Variants in DMD observed in about 807,000 individuals in gnomAD.
DMD encodes the protein dystrophin.
In DMD, 63 loss-of-function variants were observed where a neutral mutation model predicts 330.1. The observed-to-expected ratio is 0.19, with a 90% CI of 0.16 to 0.24. The LOEUF is 0.24. DMD is among the 10% of genes least tolerant of loss of function. DMD has a pLI of 1.00. For synonymous variants in DMD, 1,223 were observed against 959.8 expected (o/e 1.27, Z -5.07); for missense variants, 3,344 against 2,684.1 (o/e 1.25, Z -5.43).
chrX:32,012,463 C>T (rs1278983567), intron 44 of DMD, among the ~76,000 whole-genome samples: 1 of 111,717 alleles, frequency 9.0e-6, no homozygotes, highest in Non-Finnish European at 1.9e-5. Flanking sequence ...CTGCATTTAC[C>T]CGGCTGCTAC....
At chrX:32,589,857 G>A (rs2054701482) in intron 13 of DMD, among the ~76,000 whole-genome samples, 1 of 111,462 alleles carries the variant, frequency 9.0e-6, no homozygotes, top group Non-Finnish European at 1.9e-5. Flanking sequence ...CAGAGCCCCA[G>A]CTAAATCCTC....
intron 71 of DMD, among the ~76,000 whole-genome samples, chrX:31,175,516 A>C (rs2040421548): frequency 9.0e-6 from 1 of 111,134 alleles, no homozygotes; most frequent in African/African-American, 3.3e-5. Context: ...TAAAAGAGAC[A>C]TTTATTAAAC....
chrX:32,929,454 C>T (rs2089392563), intron 2 of DMD, among the ~76,000 whole-genome samples: 1 of 110,541 alleles, frequency 9.0e-6, no homozygotes, highest in Non-Finnish European at 1.9e-5. Flanking sequence ...CACTGTTCCT[C>T]TGGTTTCTCC....
intron 5 of DMD, among the ~76,000 whole-genome samples, chrX:32,820,879 G>T (rs2078182748): frequency 9.0e-6 from 1 of 111,686 alleles, no homozygotes; most frequent in Non-Finnish European, 1.9e-5. Context: ...TTTTTGTAAC[G>T]CTTTGGTTTT....
chrX:32,693,971 A>C (rs555874693), intron 9 of DMD, among the ~76,000 whole-genome samples: 5 of 111,998 alleles, frequency 4.5e-5, no homozygotes, highest in African/African-American at 1.6e-4. Flanking sequence ...AGTAACTGCT[A>C]TATATTAGGA....
rs2032028704 is a variant in DMD at position 31,119,757 on chromosome X, T to TAAAGAAAGA, written c.*2161_*2162insTCTTTCTTT. On this transcript the variant is annotated 3_prime_UTR_variant, in exon 79 of 79. Transcript: ENST00000357033. ...AATCTGAGTTTTAAAAATCCTTGGG[T>TAAAGAAAGA]AAAGAAAAGGTCCAGCGTCACATAA... 9.0e-6 allele frequency: 1 copy of TAAAGAAAGA among 110,815 alleles called. No homozygotes were observed. The highest frequency in any genetic ancestry group is 4.2e-4 in the South Asian group (1 of 2,402). The allele number at this position is 110,815 out of a possible 1,213,427, so 9.1% of individuals were successfully genotyped here.
chrX:32,715,214 C>CAT (rs2065576051), intron 7 of DMD, among the ~76,000 whole-genome samples: 1 of 110,805 alleles, frequency 9.0e-6, no homozygotes, highest in Non-Finnish European at 1.9e-5. Context: ...CGTGGTGGCT[C>CAT]ATGCCTGTAA....
intron 1 of DMD, among the ~76,000 whole-genome samples, chrX:33,218,876 C>T (rs2052108655): frequency 1.8e-5 from 2 of 111,720 alleles, no homozygotes; most frequent in Non-Finnish European, 3.8e-5. Flanking sequence ...CTCCTCACCT[C>T]CATTCTACTG....
At chrX:31,631,479 T>A (rs1260386987) in intron 54 of DMD, among the ~76,000 whole-genome samples, 1 of 110,582 alleles carries the variant, frequency 9.0e-6, no homozygotes, top group African/African-American at 3.3e-5. Context: ...TTGCTGCAAC[T>A]CAGGACAATT....
chrX:31,209,512 C>A lies in DMD; in HGVS notation c.9549G>T (p.Leu3183=). 2 of 1,211,190 alleles carry A rather than the reference C, an allele frequency of 1.7e-6. No homozygotes were observed. Among genetic ancestry groups the A allele is most frequent in the South Asian group, 3.5e-5 (2 of 56,960 alleles). Residue 3183 remains leucine (L), a synonymous_variant, in exon 65 of 79, where the codon CTG becomes CTT. Transcript: ENST00000357033. The part of the protein sequence containing the change: ...LCVDMCLNWL[L]NVYDTGRTGR... ...GCCATACGTACGTATCATAAACATT[C>A]AGCAGCCAGTTCAGACACATATCCA...
chrX:32,268,404 A>G (rs1024470782), intron 43 of DMD, among the ~76,000 whole-genome samples: 4 of 111,745 alleles, frequency 3.6e-5, no homozygotes, highest in African/African-American at 9.8e-5. Flanking sequence ...TTGAAATATA[A>G]ACACCTCAGC....
intron 44 of DMD, among the ~76,000 whole-genome samples, chrX:32,182,477 T>G (rs768704100): frequency 7.2e-5 from 8 of 111,549 alleles, no homozygotes; most frequent in Non-Finnish European, 1.3e-4. Context: ...AAAGGAAATG[T>G]TGATGTGAGA....
chrX:31,180,843 G>A (rs1046939230), intron 68 of DMD, among the ~76,000 whole-genome samples: 3 of 111,965 alleles, frequency 2.7e-5, no homozygotes, highest in East Asian at 2.8e-4. Context: ...ACAGACTTAC[G>A]CTGTGCATGC....
At chrX:33,272,075 G>A (rs1226526991) in intron 1 of DMD, among the ~76,000 whole-genome samples, 1 of 110,633 alleles carries the variant, frequency 9.0e-6, no homozygotes. Context: ...GTAGAGACAG[G>A]GTTTCACCAT....
At chrX:32,821,614 TA>T (rs1196513415) in intron 5 of DMD, among the ~76,000 whole-genome samples, 9 of 106,158 alleles carry the variant, frequency 8.5e-5, no homozygotes, top group African/African-American at 3.3e-4. Flanking sequence ...AAAATAAAAA[TA>T]AAAAATAAAA....
chrX:32,696,251 A>G (rs573327400), intron 9 of DMD, among the ~76,000 whole-genome samples: 1 of 112,022 alleles, frequency 8.9e-6, no homozygotes, highest in Admixed American at 9.5e-5. Context: ...TCCTTTTGAC[A>G]CTTTTGAAAT....
chrX:31,223,147 T>C, intron 63 of DMD, 26 bp from the exon 64 acceptor site: 1 of 1,176,124 alleles, frequency 8.5e-7, no homozygotes, highest in Non-Finnish European at 1.2e-6. Context: ...ACAAAGAGCA[T>C]TTGTTATTCC....
chrX:31,290,876 T>C (rs748460625), intron 62 of DMD, among the ~76,000 whole-genome samples: 1 of 112,246 alleles, frequency 8.9e-6, no homozygotes, highest in African/African-American at 3.2e-5. Context: ...TAAGCAATTT[T>C]AAAGCTTGGA....
At chrX:31,840,484 T>G (rs947826602) in intron 48 of DMD, among the ~76,000 whole-genome samples, 2 of 109,806 alleles carry the variant, frequency 1.8e-5, no homozygotes, top group Admixed American at 9.8e-5. Flanking sequence ...TATAGACACA[T>G]GTATGTATAT....
Sources: gnomAD v4.1 joint callset for allele counts (sites outside exome capture counted in the v4.1 genomes callset) on GRCh38, gnomAD v4.1.1 for gene constraint, MANE v1.5 for transcripts, NCBI Gene and HGNC (gene_info 2026-07-23, HGNC 2026-07-21) for gene names.